PCNX2: variants seen among roughly 807,000 people sequenced by gnomAD.
The protein encoded by PCNX2 is pecanex-like protein 2.
Under a neutral mutation model 223.8 loss-of-function variants are expected in PCNX2, and 168 were observed. That is an observed-to-expected ratio of 0.75 (90% CI 0.66 to 0.85). PCNX2 has a LOEUF of 0.85. Among genes scored for constraint, PCNX2 ranks in the 40% least tolerant of loss-of-function variants. The pLI is 0.00. For missense variants in PCNX2, 2,507 were observed against 2,675.5 expected, an observed-to-expected ratio of 0.94 and a Z score of 1.39; for synonymous variants, 1,006 against 1,052.6, an observed-to-expected ratio of 0.96 and a Z score of 0.86.
At chr1:233,050,219 C>T (rs560952632) in intron 25 of PCNX2, among the ~76,000 whole-genome samples, 2 of 151,642 alleles carry the variant, frequency 1.3e-5, no homozygotes, top group East Asian at 3.9e-4. Context: ...CACATGTATC[C>T]CAGAAATTAA....
At chr1:233,296,015 G>A (rs1023292227), upstream of PCNX2, among the ~76,000 whole-genome samples, 1 of 41,384 alleles carries the variant, frequency 2.4e-5, no homozygotes, top group African/African-American at 1.0e-4. Flanking sequence ...TTTTTTTTTT[G>A]CCTCTCCCCT....
chr1:233,151,626 G>T (rs963885190), intron 19 of PCNX2, among the ~76,000 whole-genome samples: 1 of 152,132 alleles, frequency 6.6e-6, no homozygotes, highest in Non-Finnish European at 1.5e-5. Context: ...ATCTGAGGCT[G>T]GCAGCTAACC....
chr1:233,140,311 C>A (rs1294329272), intron 19 of PCNX2, among the ~76,000 whole-genome samples: 1 of 152,122 alleles, frequency 6.6e-6, no homozygotes, highest in African/African-American at 2.4e-5. Flanking sequence ...CAAACAAATC[C>A]CTGGGCAATA....
intron 22 of PCNX2, among the ~76,000 whole-genome samples, chr1:233,093,961 A>T (rs1263264158): frequency 1.3e-5 from 2 of 152,212 alleles, no homozygotes; most frequent in Non-Finnish European, 2.9e-5. Flanking sequence ...CTTTATTCTT[A>T]TAGGACTTAT....
intron 10 of PCNX2, among the ~76,000 whole-genome samples, chr1:233,224,656 C>T (rs1657590615): frequency 6.6e-6 from 1 of 152,142 alleles, no homozygotes; most frequent in Admixed American, 6.5e-5. Flanking sequence ...CTCAGTTTTT[C>T]TAGGTCAGTA....
At chr1:232,992,619 C>CTTG (rs1297485690) in intron 32 of PCNX2, among the ~76,000 whole-genome samples, 1 of 152,222 alleles carries the variant, frequency 6.6e-6, no homozygotes, top group East Asian at 1.9e-4. Context: ...GCCAGCTCAC[C>CTTG]TGGGAATGAA....
intron 1 of PCNX2, among the ~76,000 whole-genome samples, chr1:233,268,574 G>C (rs1033232249): frequency 6.6e-6 from 1 of 152,152 alleles, no homozygotes; most frequent in African/African-American, 2.4e-5. Flanking sequence ...GTGTAAAGTG[G>C]GTCATGCTGC....
intron 15 of PCNX2, among the ~76,000 whole-genome samples, chr1:233,185,411 C>A (rs1311283782): frequency 6.6e-6 from 1 of 152,084 alleles, no homozygotes; most frequent in Non-Finnish European, 1.5e-5. Context: ...TGTACCCCAC[C>A]ACCTTAAACG....
At chr1:233,207,972 T>C (rs567443867) in intron 13 of PCNX2, among the ~76,000 whole-genome samples, 1 of 152,140 alleles carries the variant, frequency 6.6e-6, no homozygotes, top group African/African-American at 2.4e-5. Context: ...TTTTTTTTTT[T>C]GAGAAAGAGT....
the PCNX2 span, among the ~76,000 whole-genome samples, chr1:233,318,563 CT>C: frequency 0.081 from 7,435 of 92,348 alleles, 112 homozygotes; most frequent in Non-Finnish European, 0.089. Flanking sequence ...TTTTCTTTTT[CT>C]TTTTTTTTTT....
At chr1:233,174,413 A>G (rs1679349000) in intron 17 of PCNX2, among the ~76,000 whole-genome samples, 1 of 150,216 alleles carries the variant, frequency 6.7e-6, no homozygotes, top group African/African-American at 2.4e-5. Flanking sequence ...TTTTGGATTT[A>G]TGGTAAATCC....
At chr1:233,229,968 CCAAATT>C (rs1251230474) in intron 9 of PCNX2, among the ~76,000 whole-genome samples, 2 of 152,068 alleles carry the variant, frequency 1.3e-5, no homozygotes, top group African/African-American at 4.8e-5. Context: ...TTTTCTGGTA[CCAAATT>C]CAAATTCAAA....
At chr1:233,141,804 T>TAG (rs1264561883) in intron 19 of PCNX2, among the ~76,000 whole-genome samples, 2 of 151,308 alleles carry the variant, frequency 1.3e-5, no homozygotes, top group African/African-American at 4.9e-5. Flanking sequence ...TGTGTGTATA[T>TAG]GAAGAGAGAC....
At chr1:233,290,972 C>A (rs558379517) in intron 1 of PCNX2, 2 of 985,432 alleles carry the variant, frequency 2.0e-6, no homozygotes, top group African/African-American at 3.5e-5. Flanking sequence ...ACCCATTCTT[C>A]CCACCACTCA....
intron 28 of PCNX2, among the ~76,000 whole-genome samples, chr1:233,010,064 C>CTTTA (rs3033282): frequency 0.44 from 66,421 of 151,750 alleles, 16,074 homozygotes; most frequent in African/African-American, 0.65. Context: ...ATCCTGTTTA[C>CTTTA]TTTATCAGAT....
At chr1:233,233,646 A>T (rs142618512) in intron 9 of PCNX2, among the ~76,000 whole-genome samples, 2 of 152,092 alleles carry the variant, frequency 1.3e-5, no homozygotes, top group East Asian at 3.9e-4. Flanking sequence ...GCAGAATTCC[A>T]TCCTTTACTA....
chr1:233,243,139 C>T (rs1558383929), intron 8 of PCNX2, among the ~76,000 whole-genome samples: 1 of 152,284 alleles, frequency 6.6e-6, no homozygotes, highest in East Asian at 1.9e-4. Context: ...GTTTCCTCTC[C>T]CAGTTTCCTT....
At position 233,261,271 on chromosome 1, in the gene PCNX2, G is replaced by C; in HGVS notation, c.517+14C>G. 1.3e-6 allele frequency: 2 copies of C among 1,598,970 alleles called. No homozygotes were observed. The highest frequency in any genetic ancestry group is 1.3e-5 in the African/African-American group (1 of 74,660). On this transcript the variant is annotated intron_variant, in intron 4 of 33. Transcript: ENST00000258229. ...GATAGTGCTGTGATAAAATATAAATGATTAACAGTTTACCTTTGAGATCTT... is the reference window on the plus strand; with the variant it reads ...GATAGTGCTGTGATAAAATATAAATCATTAACAGTTTACCTTTGAGATCTT...
intron 24 of PCNX2, among the ~76,000 whole-genome samples, chr1:233,056,054 G>A (rs887448506): frequency 1.3e-5 from 2 of 152,156 alleles, no homozygotes; most frequent in African/African-American, 4.8e-5. Context: ...TATGATTAAT[G>A]GAAAGAAACT....
Sources: gnomAD v4.1 joint callset for allele counts (sites outside exome capture counted in the v4.1 genomes callset) on GRCh38, gnomAD v4.1.1 for gene constraint, MANE v1.5 for transcripts, NCBI Gene and HGNC (gene_info 2026-07-23, HGNC 2026-07-21) for gene names.